The following DTWD2 variants were observed in gnomAD, a reference collection of about 807,000 sequenced individuals.
The protein encoded by DTWD2 is tRNA-uridine aminocarboxypropyltransferase 2.
A neutral mutation model predicts 31.8 loss-of-function variants in DTWD2; 39 were observed. That is an observed-to-expected ratio of 1.22 (90% CI 0.95 to 1.60). DTWD2 has a LOEUF of 1.60. Among genes scored for constraint, DTWD2 ranks in the 40% most tolerant of loss-of-function variants. DTWD2 has a pLI of 0.00. For synonymous variants in DTWD2, 180 were observed against 142.8 expected (o/e 1.26, Z -1.86); for missense variants, 515 against 381.5 (o/e 1.35, Z -2.92).
chr5:118,977,455 A>T (rs1470821796), intron 1 of DTWD2, among the ~76,000 whole-genome samples: 1 of 152,190 alleles, frequency 6.6e-6, no homozygotes, highest in Admixed American at 6.5e-5. Context: ...CTCAGCCCAA[A>T]ATCTCCTTAA....
At chr5:118,967,572 G>T (rs909377935) in intron 1 of DTWD2, among the ~76,000 whole-genome samples, 5 of 152,090 alleles carry the variant, frequency 3.3e-5, no homozygotes, top group African/African-American at 4.8e-5. Context: ...GAACCAACCT[G>T]AAAGAGTTCT....
At chr5:118,973,974 G>T in intron 1 of DTWD2, 1 of 1,584,250 alleles carries the variant, frequency 6.3e-7, no homozygotes, top group Non-Finnish European at 8.7e-7. Context: ...GAAGAAGGTG[G>T]GGAGGAAGAG....
chr5:118,945,017 T>G (rs1003964915), intron 1 of DTWD2, among the ~76,000 whole-genome samples: 3 of 152,228 alleles, frequency 2.0e-5, no homozygotes, highest in Admixed American at 6.5e-5. Flanking sequence ...GCAACTCTTC[T>G]GTGTCACTTT....
At chr5:118,850,657 T>G (rs1265497204) in intron 4 of DTWD2, among the ~76,000 whole-genome samples, 2 of 151,680 alleles carry the variant, frequency 1.3e-5, no homozygotes, top group Non-Finnish European at 2.9e-5. Flanking sequence ...AAAGCAAGAG[T>G]TGGCAAGTGG....
intron 4 of DTWD2, among the ~76,000 whole-genome samples, chr5:118,904,692 C>G (rs1055506458): frequency 1.3e-5 from 2 of 151,836 alleles, no homozygotes; most frequent in Non-Finnish European, 2.9e-5. Flanking sequence ...AACAGACATA[C>G]AGAGAAAAAG....
At chr5:118,955,640 T>C (rs1754567904) in intron 1 of DTWD2, among the ~76,000 whole-genome samples, 1 of 152,136 alleles carries the variant, frequency 6.6e-6, no homozygotes, top group South Asian at 2.1e-4. Flanking sequence ...GAAATAATTT[T>C]TTAAAAGTTC....
intron 4 of DTWD2, among the ~76,000 whole-genome samples, chr5:118,876,083 AAT>A (rs1752615751): frequency 6.6e-6 from 1 of 152,236 alleles, no homozygotes; most frequent in Non-Finnish European, 1.5e-5. Context: ...ATGGAAATTA[AAT>A]AACCTGCTCC....
intron 4 of DTWD2, among the ~76,000 whole-genome samples, chr5:118,863,364 A>C (rs1752310834): frequency 6.6e-6 from 1 of 152,212 alleles, no homozygotes; most frequent in African/African-American, 2.4e-5. Context: ...TCTATCTTAA[A>C]TTAATTACAT....
intron 1 of DTWD2, among the ~76,000 whole-genome samples, chr5:118,965,740 A>C (rs1754830841): frequency 6.6e-6 from 1 of 152,048 alleles, no homozygotes; most frequent in African/African-American, 2.4e-5. Context: ...TGAAGGCAGC[A>C]TGCTCGTTAA....
rs538930463 is a variant in DTWD2, at chr5:118,848,094, T to C, written c.722A>G (p.Gln241Arg). Reference sequence around the variant, plus strand: ...TATAACCTTACAAAGACGTACCTCTTGTATGTAATTATTTTTCTCCAAGAT... The same window carrying C: ...TATAACCTTACAAAGACGTACCTCTCGTATGTAATTATTTTTCTCCAAGAT... ...LSILEKNNYI[Q>R]ETLLRPLQAL... The change falls in exon 5 of 6, where the codon CAA becomes CGA. Residue 241 changes from glutamine (Q) to arginine (R), a missense_variant. By Grantham distance (43) the Gln-to-Arg change is conservative. Coordinates refer to ENST00000510708, the MANE Select transcript of DTWD2 (RefSeq NM_173666.4). 32 of 1,570,400 alleles carry C rather than the reference T, an allele frequency of 2.0e-5. No homozygotes were observed. In the East Asian group the frequency reaches 7.0e-4, roughly 34 times the overall value.
chr5:118,974,065 T>G, intron 1 of DTWD2: 1 of 1,605,468 alleles, frequency 6.2e-7, no homozygotes, highest in Non-Finnish European at 8.5e-7. Flanking sequence ...AGCGGGCAGC[T>G]GAAGATGATG....
chr5:118,943,412 G>T (rs1436700861), intron 2 of DTWD2, among the ~76,000 whole-genome samples: 2 of 152,082 alleles, frequency 1.3e-5, no homozygotes, highest in African/African-American at 2.4e-5. Context: ...TTAGCCGGGC[G>T]TTGTGGTGGG....
chr5:118,922,545 CATT>C (rs1435711367), intron 4 of DTWD2, among the ~76,000 whole-genome samples: 1 of 152,052 alleles, frequency 6.6e-6, no homozygotes, highest in African/African-American at 2.4e-5. Context: ...TTTTAAACAA[CATT>C]ATAGATTTGG....
At chr5:118,984,094 C>G (rs1201489486) in intron 1 of DTWD2, among the ~76,000 whole-genome samples, 2 of 152,192 alleles carry the variant, frequency 1.3e-5, no homozygotes, top group East Asian at 3.8e-4. Context: ...CGAGACCAGC[C>G]TGACCAACAT....
At chr5:118,896,676 C>T (rs1007593519) in intron 4 of DTWD2, among the ~76,000 whole-genome samples, 6 of 152,148 alleles carry the variant, frequency 3.9e-5, no homozygotes, top group African/African-American at 1.4e-4. Flanking sequence ...ATAGGGAGTT[C>T]ATTACATCAA....
At chr5:118,878,868 C>T (rs1752676792) in intron 4 of DTWD2, among the ~76,000 whole-genome samples, 1 of 152,064 alleles carries the variant, frequency 6.6e-6, no homozygotes, top group Non-Finnish European at 1.5e-5. Context: ...ATACATGTGG[C>T]CAACAGTCAT....
Position 118,978,147 on chromosome 5 carries a change from G to T in DTWD2, c.218+10147C>A, listed in dbSNP as rs555342167. On this transcript the variant is annotated intron_variant, in intron 1 of 5. Coordinates refer to ENST00000510708, the MANE Select transcript of DTWD2 (RefSeq NM_173666.4). ...TTTTTTTAACTTTTTTTTACGTGGT[G>T]CTGGGAGAACTGGCTAGCCATATGC... 3.5e-4 allele frequency among the ~76,000 whole-genome samples: 53 copies of T among 151,460 alleles called. 1 individual carries two copies. Among genetic ancestry groups the T allele is most frequent in the African/African-American group, 1.2e-3 (49 of 41,252 alleles).
At chr5:118,901,823 A>C (rs1021392320) in intron 4 of DTWD2, among the ~76,000 whole-genome samples, 1 of 152,154 alleles carries the variant, frequency 6.6e-6, no homozygotes. Flanking sequence ...GCTCAGGCTG[A>C]TCTTGAACTC....
intron 1 of DTWD2, among the ~76,000 whole-genome samples, chr5:118,944,859 A>G (rs1754297621): frequency 6.6e-6 from 1 of 152,202 alleles, no homozygotes; most frequent in Admixed American, 6.5e-5. Flanking sequence ...TACCACTTAT[A>G]TAGATTAAGT....
Sources: gnomAD v4.1 joint callset for allele counts (sites outside exome capture counted in the v4.1 genomes callset) on GRCh38, gnomAD v4.1.1 for gene constraint, MANE v1.5 for transcripts, NCBI Gene and HGNC (gene_info 2026-07-23, HGNC 2026-07-21) for gene names.